Variants in THSD4 observed in about 807,000 individuals in gnomAD.
THSD4 encodes the protein thrombospondin type-1 domain-containing protein 4.
In THSD4, 69 loss-of-function variants were observed where a neutral mutation model predicts 119.0. The observed-to-expected ratio is 0.58, with a 90% CI of 0.48 to 0.71. The LOEUF is 0.71. Ranked by LOEUF, THSD4 falls within the 30% of genes least tolerant of loss-of-function variation. The probability of loss-of-function intolerance (pLI) is 0.00; values close to 1 mark genes in which losing one functional copy is unlikely to be tolerated. For synonymous variants in THSD4, 524 were observed against 540.4 expected (o/e 0.97, Z 0.42); for missense variants, 1,393 against 1,391.1 (o/e 1.00, Z -0.02).
chr15:71,710,461 G>A (rs2052487918), intron 8 of THSD4, among the ~76,000 whole-genome samples: 1 of 152,218 alleles, frequency 6.6e-6, no homozygotes, highest in South Asian at 2.1e-4. Context: ...AAATGACCAT[G>A]GACCTAATCT....
intron 7 of THSD4, among the ~76,000 whole-genome samples, chr15:71,514,946 T>G (rs913185012): frequency 6.6e-6 from 1 of 152,212 alleles, no homozygotes; most frequent in Non-Finnish European, 1.5e-5. Flanking sequence ...TTAAATTGTT[T>G]CCAGTTTTTA....
At chr15:71,714,174 A>G (rs1384254395) in intron 8 of THSD4, among the ~76,000 whole-genome samples, 1 of 152,228 alleles carries the variant, frequency 6.6e-6, no homozygotes, top group Non-Finnish European at 1.5e-5. Context: ...TCTCATCCAC[A>G]AAACCCTGTC....
intron 7 of THSD4, among the ~76,000 whole-genome samples, chr15:71,620,843 A>G (rs1017586764): frequency 6.6e-6 from 1 of 152,088 alleles, no homozygotes; most frequent in African/African-American, 2.4e-5. Flanking sequence ...GGTGGGGTAG[A>G]GGGTTAAAAA....
intron 6 of THSD4, among the ~76,000 whole-genome samples, chr15:71,317,013 G>A (rs1313843849): frequency 6.6e-6 from 1 of 152,162 alleles, no homozygotes; most frequent in Non-Finnish European, 1.5e-5. Context: ...AAGATTGGGT[G>A]GGATATAAAT....
At chr15:71,577,709 A>ATTTATTTTAT (rs371853648) in intron 7 of THSD4, among the ~76,000 whole-genome samples, 5,860 of 109,552 alleles carry the variant, frequency 0.053, 414 homozygotes, top group Non-Finnish European at 0.054. Flanking sequence ...ACCTTTATTT[A>ATTTATTTTAT]TTTATTTTAT....
intron 4 of THSD4, among the ~76,000 whole-genome samples, chr15:71,220,976 A>G (rs1440551567): frequency 5.3e-5 from 8 of 152,158 alleles, no homozygotes; most frequent in Non-Finnish European, 1.0e-4. Flanking sequence ...GTCTTGGCCA[A>G]CAGATTCCAT....
At chr15:71,457,109 A>C (rs779140663) in intron 7 of THSD4, among the ~76,000 whole-genome samples, 2 of 152,142 alleles carry the variant, frequency 1.3e-5, no homozygotes, top group Non-Finnish European at 2.9e-5. Flanking sequence ...TGCGAGGCGC[A>C]GTGGCTCACA....
chr15:71,458,010 G>A (rs140230352), intron 7 of THSD4, among the ~76,000 whole-genome samples: 5 of 152,298 alleles, frequency 3.3e-5, no homozygotes, highest in African/African-American at 1.2e-4. Context: ...TTTCCCAGAG[G>A]ATTCCTGGGC....
intron 5 of THSD4, among the ~76,000 whole-genome samples, chr15:71,255,056 C>T (rs1328338641): frequency 1.3e-5 from 2 of 152,210 alleles, no homozygotes; most frequent in East Asian, 1.9e-4. Flanking sequence ...TTCAGTCCTT[C>T]TTCTGGTCCC....
intron 7 of THSD4, among the ~76,000 whole-genome samples, chr15:71,559,756 T>C (rs572034220): frequency 4.5e-4 from 69 of 152,220 alleles, no homozygotes; most frequent in Non-Finnish European, 8.7e-4. Flanking sequence ...GGATGGCCTT[T>C]AGTTCCTTAC....
chr15:71,580,698 A>G (rs1567046364), intron 7 of THSD4, among the ~76,000 whole-genome samples: 2 of 152,126 alleles, frequency 1.3e-5, no homozygotes, highest in African/African-American at 2.4e-5. Flanking sequence ...GCTTTCATGA[A>G]TTCAACTTTT....
At chr15:71,216,260 T>C (rs2140251227) in intron 4 of THSD4, among the ~76,000 whole-genome samples, 1 of 152,370 alleles carries the variant, frequency 6.6e-6, no homozygotes, top group South Asian at 2.1e-4. Flanking sequence ...AAGAAATGCG[T>C]AATTCATTTG....
chr15:71,104,210 C>T (rs1287447762), intron 1 of THSD4, among the ~76,000 whole-genome samples: 2 of 118,062 alleles, frequency 1.7e-5, no homozygotes, highest in South Asian at 3.2e-4. Context: ...CCCCCACCCC[C>T]GGCCCCTGCA....
intron 7 of THSD4, among the ~76,000 whole-genome samples, chr15:71,597,619 CAGG>C (rs1321672770): frequency 3.3e-5 from 5 of 152,130 alleles, no homozygotes; most frequent in African/African-American, 7.2e-5. Context: ...TTTGGAAGAA[CAGG>C]AGGAGAAGAC....
chr15:71,158,148 C>CTTTTTTTT (rs1193131967), intron 3 of THSD4, among the ~76,000 whole-genome samples: 42 of 85,040 alleles, frequency 4.9e-4, no homozygotes, highest in East Asian at 2.0e-3. Context: ...CAACACTTAT[C>CTTTTTTTT]TTTTTTTTTT....
intron 8 of THSD4, among the ~76,000 whole-genome samples, chr15:71,714,869 C>A (rs2052578034): frequency 6.6e-6 from 1 of 151,964 alleles, no homozygotes; most frequent in African/African-American, 2.4e-5. Flanking sequence ...ACGTGTACCC[C>A]CAATCCTAAA....
At position 71,481,131 on chromosome 15, in the gene THSD4, C is replaced by T. The variant is rs187152904; in HGVS notation, c.1152+69308C>T. On this transcript the variant is annotated intron_variant, in intron 7 of 17. Coordinates refer to ENST00000261862, the MANE Select transcript of THSD4 (RefSeq NM_024817.3). ...CCAACAACAAACAAATAAAAACCTGCATTTGATTGGAAGAAAAAAAGCTCT... is the reference window on the plus strand; with the variant it reads ...CCAACAACAAACAAATAAAAACCTGTATTTGATTGGAAGAAAAAAAGCTCT... 1.2e-3 allele frequency among the ~76,000 whole-genome samples: 177 copies of T among 152,138 alleles called. 1 individual carries two copies. Among genetic ancestry groups the T allele is most frequent in the African/African-American group, 4.1e-3 (172 of 41,516 alleles).
intron 6 of THSD4, among the ~76,000 whole-genome samples, chr15:71,358,219 C>G (rs540501695): frequency 3.3e-4 from 51 of 152,316 alleles, no homozygotes; most frequent in Middle Eastern, 3.4e-3. Context: ...ATCGGCCTCC[C>G]TCCCCTCCTT....
intron 7 of THSD4, among the ~76,000 whole-genome samples, chr15:71,528,071 G>T (rs1487379174): frequency 1.3e-5 from 2 of 152,082 alleles, no homozygotes; most frequent in Non-Finnish European, 1.5e-5. Flanking sequence ...TAAGAAAATT[G>T]CCTTAAGTAA....
Sources: gnomAD v4.1 joint callset for allele counts (sites outside exome capture counted in the v4.1 genomes callset) on GRCh38, gnomAD v4.1.1 for gene constraint, MANE v1.5 for transcripts, NCBI Gene and HGNC (gene_info 2026-07-23, HGNC 2026-07-21) for gene names.